Variants in SLC24A2 observed in about 807,000 individuals in gnomAD.
SLC24A2 encodes solute carrier family 24 member 2.
A neutral mutation model predicts 62.0 loss-of-function variants in SLC24A2; 36 were observed. That is an observed-to-expected ratio of 0.58 (90% CI 0.44 to 0.77). The LOEUF is 0.77. SLC24A2 is among the 30% of genes least tolerant of loss of function. The probability of loss-of-function intolerance (pLI) is 0.00; values close to 1 mark genes in which losing one functional copy is unlikely to be tolerated. For missense variants in SLC24A2, 846 were observed against 817.9 expected (o/e 1.03, Z -0.42); for synonymous variants, 358 against 294.0 (o/e 1.22, Z -2.23).
chr9:19,964,534 T>C, the SLC24A2 span, among the ~76,000 whole-genome samples: 1 of 152,142 alleles, frequency 6.6e-6, no homozygotes, highest in African/African-American at 2.4e-5. Flanking sequence ...CCTGGGCAAA[T>C]GAAAGGATAC....
At chr9:20,093,882 G>T in the SLC24A2 span, among the ~76,000 whole-genome samples, 15 of 152,234 alleles carry the variant, frequency 9.9e-5, no homozygotes, top group East Asian at 2.9e-3. Flanking sequence ...ACTCTGAAAT[G>T]ATTATCATGC....
At chr9:20,069,089 G>A in the SLC24A2 span, among the ~76,000 whole-genome samples, 3 of 152,132 alleles carry the variant, frequency 2.0e-5, no homozygotes, top group Admixed American at 6.6e-5. Context: ...CCCAACATAC[G>A]TTTACTTTGA....
At chr9:19,896,491 G>A in the SLC24A2 span, among the ~76,000 whole-genome samples, 2 of 152,198 alleles carry the variant, frequency 1.3e-5, no homozygotes, top group Non-Finnish European at 1.5e-5. Context: ...ATCATCTCCA[G>A]CATACATAAC....
the SLC24A2 span, among the ~76,000 whole-genome samples, chr9:20,098,820 C>G: frequency 1.3e-5 from 2 of 152,318 alleles, no homozygotes; most frequent in East Asian, 3.9e-4. Flanking sequence ...AGGGAAAAAT[C>G]TCTCACAGTT....
the SLC24A2 span, among the ~76,000 whole-genome samples, chr9:20,050,240 C>CGAAAAAAA: frequency 1.7e-5 from 1 of 59,558 alleles, no homozygotes; most frequent in African/African-American, 6.0e-5. Flanking sequence ...CCCGTCTCTA[C>CGAAAAAAA]AAAAAAAAAA....
chr9:19,761,068 ATAAAT>A (rs1034396410), intron 2 of SLC24A2, among the ~76,000 whole-genome samples: 7 of 152,212 alleles, frequency 4.6e-5, no homozygotes, highest in African/African-American at 7.2e-5. Flanking sequence ...TAATAAAAAA[ATAAAT>A]TAAATTTAAA....
chr9:20,046,307 G>T, the SLC24A2 span, among the ~76,000 whole-genome samples: 1 of 152,204 alleles, frequency 6.6e-6, no homozygotes, highest in South Asian at 2.1e-4. Flanking sequence ...GAAAGAAAAA[G>T]AAAGGGACAG....
the SLC24A2 span, among the ~76,000 whole-genome samples, chr9:20,153,617 T>A: frequency 6.6e-6 from 1 of 151,904 alleles, no homozygotes; most frequent in East Asian, 1.9e-4. Flanking sequence ...ATTATTGTTC[T>A]ATGATTACTA....
At chr9:19,818,534 T>C in the SLC24A2 span, among the ~76,000 whole-genome samples, 1 of 152,080 alleles carries the variant, frequency 6.6e-6, no homozygotes, top group Non-Finnish European at 1.5e-5. Context: ...TGTACACAAA[T>C]CAGTAGCTCT....
chr9:20,303,441 C>T, the SLC24A2 span, among the ~76,000 whole-genome samples: 8 of 152,118 alleles, frequency 5.3e-5, no homozygotes, highest in East Asian at 1.9e-4. Flanking sequence ...ACAAATTTAA[C>T]GTATTCATTT....
the SLC24A2 span, among the ~76,000 whole-genome samples, chr9:20,276,210 A>T: frequency 6.6e-6 from 1 of 152,224 alleles, no homozygotes; most frequent in Non-Finnish European, 1.5e-5. Context: ...AGCCTGTAAA[A>T]TAGAAAGCAA....
At chr9:19,787,402 T>C (rs1186076902) in intron 1 of SLC24A2, among the ~76,000 whole-genome samples, 2 of 152,236 alleles carry the variant, frequency 1.3e-5, no homozygotes, top group South Asian at 2.1e-4. Flanking sequence ...TCCAGTGCTA[T>C]AAAGGTACCT....
the SLC24A2 span, among the ~76,000 whole-genome samples, chr9:19,983,621 C>T: frequency 6.6e-6 from 1 of 151,980 alleles, no homozygotes; most frequent in Non-Finnish European, 1.5e-5. Context: ...TCCAGCCTGG[C>T]AACAGATTGA....
chr9:19,725,260 C>A (rs930591956), intron 2 of SLC24A2, among the ~76,000 whole-genome samples: 2 of 152,112 alleles, frequency 1.3e-5, no homozygotes, highest in African/African-American at 2.4e-5. Context: ...CTGAGAAACC[C>A]TGATTATATC....
the SLC24A2 span, among the ~76,000 whole-genome samples, chr9:19,994,124 G>A: frequency 6.6e-6 from 1 of 152,154 alleles, no homozygotes; most frequent in Non-Finnish European, 1.5e-5. Flanking sequence ...TGTTTCCATT[G>A]CAACAGGCTG....
At chr9:19,720,904 C>A (rs1183468513) in intron 2 of SLC24A2, among the ~76,000 whole-genome samples, 2 of 149,122 alleles carry the variant, frequency 1.3e-5, no homozygotes, top group Non-Finnish European at 3.0e-5. Flanking sequence ...AAGCTTCTAC[C>A]AGCATCACAT....
chr9:20,075,657 C>T, the SLC24A2 span, among the ~76,000 whole-genome samples: 2 of 151,476 alleles, frequency 1.3e-5, no homozygotes, highest in Non-Finnish European at 2.9e-5. Context: ...TCCCCAGGAT[C>T]TCTGTTTGTT....
intron 7 of SLC24A2, among the ~76,000 whole-genome samples, chr9:19,560,711 T>G (rs1218308360): frequency 6.6e-6 from 1 of 152,198 alleles, no homozygotes; most frequent in Non-Finnish European, 1.5e-5. Flanking sequence ...CCCATAAGGA[T>G]GTTTATCTTT....
the SLC24A2 span, among the ~76,000 whole-genome samples, chr9:20,281,257 A>T: frequency 6.6e-5 from 10 of 152,342 alleles, no homozygotes; most frequent in South Asian, 2.1e-3. Context: ...AGAAACTATA[A>T]CTACAACAGC....
Sources: allele counts gnomAD v4.1 joint callset (sites outside exome capture counted in the v4.1 genomes callset), GRCh38; gene constraint gnomAD v4.1.1; transcripts MANE v1.5; gene names NCBI Gene and HGNC (gene_info 2026-07-23, HGNC 2026-07-21).